FRMPD4: variants seen among roughly 807,000 people sequenced by gnomAD.
The protein encoded by FRMPD4 is FERM and PDZ domain-containing protein 4.
In FRMPD4, 22 loss-of-function variants were observed where a neutral mutation model predicts 94.1. The observed-to-expected ratio is 0.23, with a 90% CI of 0.17 to 0.33. The LOEUF (loss-of-function observed/expected upper bound fraction) is 0.33. FRMPD4 is among the 10% of genes least tolerant of loss of function. FRMPD4 has a pLI of 1.00. For missense variants in FRMPD4, 1,111 were observed against 1,339.9 expected (o/e 0.83, Z 2.67); for synonymous variants, 631 against 548.6 (o/e 1.15, Z -2.10).
chrX:12,463,420 G>C (rs1192495921), intron 1 of FRMPD4, among the ~76,000 whole-genome samples: 1 of 111,910 alleles, frequency 8.9e-6, no homozygotes, highest in Non-Finnish European at 1.9e-5. Context: ...TCATGAACCA[G>C]ATATGTTCCT....
At chrX:12,277,422 A>G (rs181564272) in intron 1 of FRMPD4, among the ~76,000 whole-genome samples, 2 of 112,189 alleles carry the variant, frequency 1.8e-5, no homozygotes, top group Non-Finnish European at 3.8e-5. Flanking sequence ...AAAGAATATT[A>G]AGTTATAAAA....
intron 3 of FRMPD4, among the ~76,000 whole-genome samples, chrX:11,943,866 T>A (rs1388099879): frequency 8.9e-6 from 1 of 112,004 alleles, no homozygotes; most frequent in Non-Finnish European, 1.9e-5. Context: ...TCTCCCCAAC[T>A]CCCTGAGGTA....
chrX:12,611,367 G>A (rs1475367965), intron 3 of FRMPD4, among the ~76,000 whole-genome samples: 2 of 111,971 alleles, frequency 1.8e-5, no homozygotes, highest in African/African-American at 6.5e-5. Flanking sequence ...CAGACTGCCT[G>A]AATCTGACTC....
At chrX:12,094,558 C>T (rs1488252924) in intron 3 of FRMPD4, among the ~76,000 whole-genome samples, 2 of 112,095 alleles carry the variant, frequency 1.8e-5, no homozygotes, top group Admixed American at 1.9e-4. Flanking sequence ...TGGCCGTGTC[C>T]AGCTCATCTG....
chrX:12,073,948 T>G (rs904471266), intron 3 of FRMPD4, among the ~76,000 whole-genome samples: 4 of 111,928 alleles, frequency 3.6e-5, no homozygotes, highest in African/African-American at 1.3e-4. Context: ...TGGAGAATAT[T>G]CCATATGTTC....
At chrX:11,923,746 A>G (rs2054070324) in intron 3 of FRMPD4, among the ~76,000 whole-genome samples, 1 of 112,435 alleles carries the variant, frequency 8.9e-6, no homozygotes, top group African/African-American at 3.2e-5. Context: ...AGGTCATCAA[A>G]TAGGATAAAA....
intron 3 of FRMPD4, among the ~76,000 whole-genome samples, chrX:11,975,538 C>G (rs1229261404): frequency 8.9e-6 from 1 of 112,426 alleles, no homozygotes; most frequent in East Asian, 2.8e-4. Context: ...GCTTTCTGAA[C>G]AGTCTACCTA....
intron 1 of FRMPD4, among the ~76,000 whole-genome samples, chrX:12,468,032 ACAAT>A (rs2057468083): frequency 8.9e-6 from 1 of 112,388 alleles, no homozygotes; most frequent in Non-Finnish European, 1.9e-5. Context: ...GTAACAAATG[ACAAT>A]CAAATCTAAA....
chrX:12,393,276 A>T (rs2056501148), intron 1 of FRMPD4, among the ~76,000 whole-genome samples: 1 of 112,479 alleles, frequency 8.9e-6, no homozygotes. Flanking sequence ...TTATTAATCC[A>T]TTCTACCCCT....
At chrX:11,983,714 A>T (rs1022381451) in intron 3 of FRMPD4, among the ~76,000 whole-genome samples, 1 of 111,866 alleles carries the variant, frequency 8.9e-6, no homozygotes, top group Non-Finnish European at 1.9e-5. Flanking sequence ...CCTGCTGTTC[A>T]TTGCTGTTTT....
intron 3 of FRMPD4, among the ~76,000 whole-genome samples, chrX:11,965,200 G>A (rs1276834335): frequency 8.9e-6 from 1 of 112,177 alleles, no homozygotes; most frequent in Non-Finnish European, 1.9e-5. Context: ...CTTGGTAGAT[G>A]GGGGAGGCAT....
chrX:12,335,139 C>CT lies in FRMPD4; in HGVS notation c.42-163529dup, dbSNP rs1310290124. On this transcript the variant is annotated intron_variant, in intron 1 of 16. Coordinates refer to ENST00000675598, the MANE Select transcript of FRMPD4 (RefSeq NM_001368397.1). ...TCCTTCTTTTTTTCTTTCTTTCTTT[C>CT]TTTTTTTTTTTTAAAGCAAGGTCTC... is the stretch of plus-strand genomic sequence containing the variant. 7.9e-3 allele frequency among the ~76,000 whole-genome samples: 804 copies of CT among 102,111 alleles called. 9 individuals carry two copies. The highest frequency in any genetic ancestry group is 0.026 in the African/African-American group (748 of 28,229). 88.7% of individuals were successfully genotyped at this position (102,111 alleles called of 115,157 possible).
At chrX:12,247,769 A>G (rs1249007212) in intron 1 of FRMPD4, among the ~76,000 whole-genome samples, 1 of 112,239 alleles carries the variant, frequency 8.9e-6, no homozygotes, top group Non-Finnish European at 1.9e-5. Context: ...AGGTTTACTA[A>G]TAGTCACTTG....
chrX:12,373,330 A>T (rs947301873), intron 1 of FRMPD4: 74 of 112,151 alleles, frequency 6.6e-4, no homozygotes, highest in African/African-American at 2.0e-3. Context: ...CTCCTATGAC[A>T]TTGCACTCCC....
At chrX:12,632,449 G>A (rs750003186) in intron 4 of FRMPD4, among the ~76,000 whole-genome samples, 1 of 112,152 alleles carries the variant, frequency 8.9e-6, no homozygotes, top group South Asian at 3.8e-4. Context: ...CCACTCCATT[G>A]AGAACCATCA....
intron 1 of FRMPD4, among the ~76,000 whole-genome samples, chrX:12,299,585 A>G (rs2054828499): frequency 9.1e-6 from 1 of 109,876 alleles, no homozygotes; most frequent in Non-Finnish European, 1.9e-5. Flanking sequence ...AAAAAAAAGT[A>G]AAGCACCCCA....
intron 3 of FRMPD4, among the ~76,000 whole-genome samples, chrX:12,612,715 T>G (rs1351584455): frequency 8.9e-6 from 1 of 112,650 alleles, no homozygotes; most frequent in Non-Finnish European, 1.9e-5. Context: ...ACATTCGTCC[T>G]TCAGTTACTT....
At chrX:12,420,831 T>C (rs1007419675) in intron 1 of FRMPD4, among the ~76,000 whole-genome samples, 3 of 112,424 alleles carry the variant, frequency 2.7e-5, no homozygotes, top group Non-Finnish European at 5.6e-5. Flanking sequence ...TTACATGTCA[T>C]AGAATCCTCA....
At chrX:12,621,972 A>AAG (rs1216197657) in intron 4 of FRMPD4, among the ~76,000 whole-genome samples, 1 of 20,795 alleles carries the variant, frequency 4.8e-5, no homozygotes, top group Non-Finnish European at 8.0e-5. Context: ...AAGAAAGAGA[A>AAG]AGAAAGAAAG....
Sources: gnomAD v4.1 joint callset for allele counts (sites outside exome capture counted in the v4.1 genomes callset) on GRCh38, gnomAD v4.1.1 for gene constraint, MANE v1.5 for transcripts, NCBI Gene and HGNC (gene_info 2026-07-23, HGNC 2026-07-21) for gene names.